Variants in PDE1C observed in about 807,000 individuals in gnomAD.
The protein encoded by PDE1C is phosphodiesterase 1C, also known as dual specificity calcium/calmodulin-dependent 3',5'-cyclic nucleotide phosphodiesterase 1C.
In PDE1C, 62 loss-of-function variants were observed where a neutral mutation model predicts 93.1. The ratio of observed to expected loss-of-function variants is 0.67; its 90% CI spans 0.54 to 0.82. The LOEUF is 0.82. Among genes scored for constraint, PDE1C ranks in the 40% least tolerant of loss-of-function variants. PDE1C has a pLI of 0.00. For missense variants in PDE1C, 742 were observed against 884.6 expected (o/e 0.84, Z 2.04); for synonymous variants, 325 against 310.1 (o/e 1.05, Z -0.50).
intron 1 of PDE1C, among the ~76,000 whole-genome samples, chr7:32,393,855 T>C (rs1268178990): frequency 6.6e-6 from 1 of 152,226 alleles, no homozygotes; most frequent in East Asian, 1.9e-4. Flanking sequence ...ATATTTTGTC[T>C]TATTTTGTCT....
intron 2 of PDE1C, among the ~76,000 whole-genome samples, chr7:32,186,861 A>G (rs1032053443): frequency 1.3e-5 from 2 of 152,162 alleles, no homozygotes; most frequent in Non-Finnish European, 2.9e-5. Flanking sequence ...GATCTATCCT[A>G]TGGCTGGAAT....
chr7:31,909,604 A>T (rs1481008659), intron 2 of PDE1C, among the ~76,000 whole-genome samples: 2 of 152,166 alleles, frequency 1.3e-5, no homozygotes, highest in African/African-American at 2.4e-5. Context: ...TGAAATAGAG[A>T]TGCATTGTAC....
chr7:32,337,194 T>C (rs757463155), intron 1 of PDE1C, among the ~76,000 whole-genome samples: 1 of 152,146 alleles, frequency 6.6e-6, no homozygotes, highest in Non-Finnish European at 1.5e-5. Flanking sequence ...CAATGAGTAT[T>C]TATTGAGCCC....
chr7:32,292,315 A>C (rs1447702881), intron 1 of PDE1C, among the ~76,000 whole-genome samples: 1 of 152,176 alleles, frequency 6.6e-6, no homozygotes, highest in African/African-American at 2.4e-5. Flanking sequence ...CTCTAAGCAA[A>C]TTTTTAGGTG....
intron 2 of PDE1C, among the ~76,000 whole-genome samples, chr7:32,015,958 A>C (rs1787845589): frequency 6.6e-6 from 1 of 152,112 alleles, no homozygotes; most frequent in South Asian, 2.1e-4. Context: ...GACTAGCTAA[A>C]ATAGGGACAA....
At chr7:32,148,407 A>G (rs950872066) in intron 3 of PDE1C, among the ~76,000 whole-genome samples, 6 of 152,148 alleles carry the variant, frequency 3.9e-5, no homozygotes, top group African/African-American at 1.4e-4. Flanking sequence ...TGTAATTTAC[A>G]CTTACAGTGT....
chr7:31,998,241 G>C (rs369303323), intron 2 of PDE1C, among the ~76,000 whole-genome samples: 10 of 151,924 alleles, frequency 6.6e-5, no homozygotes, highest in South Asian at 2.1e-4. Flanking sequence ...GGATGGTCTC[G>C]ATCTCCTGAC....
intron 2 of PDE1C, among the ~76,000 whole-genome samples, chr7:32,201,795 A>C (rs1339216127): frequency 5.3e-5 from 8 of 152,246 alleles, no homozygotes; most frequent in Admixed American, 5.2e-4. Context: ...AACTGAATTT[A>C]AATGGTCTGT....
chr7:32,185,126 A>G (rs529959394), intron 2 of PDE1C, among the ~76,000 whole-genome samples: 50 of 90,172 alleles, frequency 5.5e-4, no homozygotes, highest in Admixed American at 1.1e-3. Flanking sequence ...CAAAAAAAAG[A>G]AAAAAAAAAA....
Position 31,999,157 on chromosome 7 carries a change from G to T in PDE1C, c.128+52397C>A, listed in dbSNP as rs139892802. Among the ~76,000 whole-genome samples, 489 of 152,244 alleles carry T rather than the reference G, an allele frequency of 3.2e-3. 3 individuals carry two copies. Among genetic ancestry groups the T allele is most frequent in the African/African-American group, 0.011 (450 of 41,544 alleles). ...GTACCGGGCACTGTGCTAGGCATGT[G>T]GGGAGGGGACAGTTGGGGGCAGAGT... On this transcript the variant is annotated intron_variant, in intron 2 of 17. Coordinates refer to ENST00000396191, the MANE Select transcript of PDE1C (RefSeq NM_001191057.4).
intron 3 of PDE1C, among the ~76,000 whole-genome samples, chr7:32,147,304 GAAAGAAAGAAAGAAAGAA>G (rs1554513860): frequency 0.015 from 2,117 of 142,476 alleles, 65 homozygotes; most frequent in African/African-American, 0.052. Flanking sequence ...AAGAAAGAAA[GAAAGAAAGAAAGAAAGAA>G]AGAAAGAAAG....
intron 1 of PDE1C, among the ~76,000 whole-genome samples, chr7:32,311,031 G>C (rs1366556879): frequency 1.3e-5 from 2 of 152,074 alleles, no homozygotes; most frequent in Non-Finnish European, 2.9e-5. Flanking sequence ...AGAAAAGAGA[G>C]AAGAATCAAA....
chr7:31,761,696 G>T (rs1284089316), intron 17 of PDE1C, among the ~76,000 whole-genome samples: 1 of 152,186 alleles, frequency 6.6e-6, no homozygotes, highest in Non-Finnish European at 1.5e-5. Flanking sequence ...CAGAATCTAT[G>T]AGGGTAGGAC....
At chr7:32,156,023 T>TC (rs954725792) in intron 3 of PDE1C, among the ~76,000 whole-genome samples, 1 of 152,154 alleles carries the variant, frequency 6.6e-6, no homozygotes, top group African/African-American at 2.4e-5. Context: ...AGTAACTGCC[T>TC]CCCCCAACCC....
chr7:31,642,318 C>A, the PDE1C span: 3 of 1,167,532 alleles, frequency 2.6e-6, no homozygotes, highest in Middle Eastern at 2.0e-4. Context: ...TCAGCCCTAT[C>A]AACCAGGCTG....
chr7:31,728,349 G>A, the PDE1C span, among the ~76,000 whole-genome samples: 3 of 152,186 alleles, frequency 2.0e-5, no homozygotes, highest in Non-Finnish European at 4.4e-5. Context: ...AAGACAACCA[G>A]GCCCATAAGG....
chr7:32,324,514 T>A (rs1256822491), intron 1 of PDE1C, among the ~76,000 whole-genome samples: 1 of 152,222 alleles, frequency 6.6e-6, no homozygotes, highest in African/African-American at 2.4e-5. Context: ...GCATGGGCAT[T>A]CCCAAGTTAA....
At chr7:31,622,940 C>T in the PDE1C span, among the ~76,000 whole-genome samples, 10 of 152,318 alleles carry the variant, frequency 6.6e-5, no homozygotes, top group South Asian at 2.1e-4. Flanking sequence ...ACCAATCCCA[C>T]AGAAATACAA....
At chr7:31,998,226 A>C (rs770290872) in intron 2 of PDE1C, among the ~76,000 whole-genome samples, 1 of 151,936 alleles carries the variant, frequency 6.6e-6, no homozygotes, top group Non-Finnish European at 1.5e-5. Context: ...TCACCATGTT[A>C]GCCAGGATGG....
Sources: gnomAD v4.1 joint callset for allele counts (sites outside exome capture counted in the v4.1 genomes callset) on GRCh38, gnomAD v4.1.1 for gene constraint, MANE v1.5 for transcripts, NCBI Gene and HGNC (gene_info 2026-07-23, HGNC 2026-07-21) for gene names.